CDH13: variants seen among roughly 807,000 people sequenced by gnomAD.
CDH13 encodes the protein cadherin 13, also known as cadherin-13.
A neutral mutation model predicts 63.8 loss-of-function variants in CDH13; 24 were observed. The observed-to-expected ratio is 0.38, with a 90% CI of 0.27 to 0.53. The LOEUF is 0.53. Ranked by LOEUF, CDH13 falls within the 20% of genes least tolerant of loss-of-function variation. The pLI, the probability that CDH13 is intolerant of heterozygous loss-of-function variation, is 0.85. For missense variants in CDH13, 1,049 were observed against 903.1 expected (o/e 1.16, Z -2.07); for synonymous variants, 503 against 355.3 (o/e 1.42, Z -4.67).
chr16:83,651,588 C>CTTTTTTTTTTTTTTTTTTTTT, intron 8 of CDH13, among the ~76,000 whole-genome samples: 1 of 75,306 alleles, frequency 1.3e-5, no homozygotes, highest in Non-Finnish European at 2.4e-5. Context: ...TTATTTTCCT[C>CTTTTTTTTTTTTTTTTTTTTT]TTTTTTTTTT....
intron 7 of CDH13, among the ~76,000 whole-genome samples, chr16:83,538,999 T>C (rs2150644938): frequency 6.6e-6 from 1 of 152,288 alleles, no homozygotes; most frequent in South Asian, 2.1e-4. Flanking sequence ...TTTTCAGAAC[T>C]TTTATTAAAC....
At chr16:83,753,767 G>T (rs1253652283) in intron 11 of CDH13, among the ~76,000 whole-genome samples, 1 of 151,898 alleles carries the variant, frequency 6.6e-6, no homozygotes, top group Non-Finnish European at 1.5e-5. Flanking sequence ...ATGGCTTCGG[G>T]AACTTCCATG....
At chr16:83,057,844 C>G (rs2031106703) in intron 3 of CDH13, among the ~76,000 whole-genome samples, 1 of 152,096 alleles carries the variant, frequency 6.6e-6, no homozygotes, top group African/African-American at 2.4e-5. Flanking sequence ...TTTTATGGTA[C>G]TAAGAAAGAA....
At chr16:83,014,920 A>C (rs1318808546) in intron 2 of CDH13, among the ~76,000 whole-genome samples, 2 of 147,070 alleles carry the variant, frequency 1.4e-5, no homozygotes, top group Non-Finnish European at 3.0e-5. Flanking sequence ...TTACTACTAC[A>C]CAGTTGGTAA....
At chr16:82,933,170 G>C (rs2042554166) in intron 2 of CDH13, among the ~76,000 whole-genome samples, 1 of 152,044 alleles carries the variant, frequency 6.6e-6, no homozygotes, top group African/African-American at 2.4e-5. Context: ...ACTTCAGACT[G>C]GGTCATTTAT....
chr16:83,579,092 C>T (rs1250755130), intron 7 of CDH13, among the ~76,000 whole-genome samples: 2 of 152,194 alleles, frequency 1.3e-5, no homozygotes, highest in Non-Finnish European at 1.5e-5. Flanking sequence ...GTTATAAACA[C>T]AGAGAAAGTT....
chr16:82,796,427 C>T (rs1234936504), intron 1 of CDH13, among the ~76,000 whole-genome samples: 1 of 152,214 alleles, frequency 6.6e-6, no homozygotes, highest in Non-Finnish European at 1.5e-5. Flanking sequence ...CTACCAGATA[C>T]TGAATTCCTG....
rs17686433 is a variant in CDH13 at position 83,486,377 on chromosome 16, G to T, written c.782-100G>T. On this transcript the variant is annotated intron_variant, in intron 6 of 13. Coordinates refer to ENST00000567109, the MANE Select transcript of CDH13 (RefSeq NM_001257.5). ...TTTCTTTTTTAATTTGGAAAGTGATGGGCACACTGCTGCACTGCTATTGCC... is the reference window on the plus strand; with the variant it reads ...TTTCTTTTTTAATTTGGAAAGTGATTGGCACACTGCTGCACTGCTATTGCC... The T allele has an allele frequency of 0.21, 182,954 of 859,446 alleles. 20,569 individuals are homozygous for T. The highest frequency in any genetic ancestry group is 0.3 in the Admixed American group (11,204 of 37,560). 53.2% of individuals were successfully genotyped at this position (859,446 alleles called of 1,614,324 possible). A position where few individuals can be genotyped will look rare whatever the true frequency, so the allele number is the denominator to read the frequency against.
intron 5 of CDH13, among the ~76,000 whole-genome samples, chr16:83,239,659 C>G (rs1188839877): frequency 2.0e-5 from 3 of 152,180 alleles, no homozygotes; most frequent in Non-Finnish European, 1.5e-5. Flanking sequence ...TCTGTCTTTT[C>G]CACTTGTTCT....
intron 3 of CDH13, among the ~76,000 whole-genome samples, chr16:83,125,110 G>C (rs1193990544): frequency 1.3e-5 from 2 of 152,192 alleles, no homozygotes; most frequent in African/African-American, 4.8e-5. Context: ...CAATATGCAA[G>C]CAATGAGGGA....
chr16:83,740,285 A>T (rs1911937815), intron 10 of CDH13, among the ~76,000 whole-genome samples: 1 of 151,890 alleles, frequency 6.6e-6, no homozygotes, highest in African/African-American at 2.4e-5. Context: ...GGTGGGTTTT[A>T]AGCCGGGGAT....
intron 7 of CDH13, among the ~76,000 whole-genome samples, chr16:83,494,601 C>T (rs1354176008): frequency 1.3e-5 from 2 of 152,142 alleles, no homozygotes; most frequent in Non-Finnish European, 2.9e-5. Context: ...CTGTTTTGTA[C>T]TTCCTTTAAT....
intron 3 of CDH13, among the ~76,000 whole-genome samples, chr16:83,107,431 G>GA (rs1284128436): frequency 2.0e-5 from 3 of 152,098 alleles, no homozygotes; most frequent in Admixed American, 6.6e-5. Flanking sequence ...AAATTTTTGA[G>GA]AAAAAAATCC....
chr16:82,889,603 A>G (rs1169782399), intron 2 of CDH13, among the ~76,000 whole-genome samples: 2 of 152,224 alleles, frequency 1.3e-5, no homozygotes, highest in East Asian at 3.8e-4. Context: ...ACAGGATACA[A>G]GCATGCTGGT....
At chr16:83,035,440 C>G (rs1916761585) in intron 3 of CDH13, among the ~76,000 whole-genome samples, 1 of 152,218 alleles carries the variant, frequency 6.6e-6, no homozygotes, top group East Asian at 1.9e-4. Context: ...CAAATGCTGA[C>G]TCACGTAACC....
chr16:83,788,282 C>T (rs1230893467), intron 13 of CDH13, among the ~76,000 whole-genome samples: 2 of 152,134 alleles, frequency 1.3e-5, no homozygotes, highest in Admixed American at 6.5e-5. Flanking sequence ...AGACCAGAGC[C>T]GCTGTGCACC....
intron 1 of CDH13, among the ~76,000 whole-genome samples, chr16:82,684,816 C>T (rs1258245137): frequency 6.6e-6 from 1 of 152,200 alleles, no homozygotes; most frequent in Non-Finnish European, 1.5e-5. Context: ...AGAGCCCATA[C>T]CCAAGTTGTG....
chr16:83,489,557 G>A (rs2073963232), intron 7 of CDH13, among the ~76,000 whole-genome samples: 3 of 152,166 alleles, frequency 2.0e-5, no homozygotes, highest in African/African-American at 7.2e-5. Flanking sequence ...GAGGTGGAAC[G>A]TGATTCCAAG....
intron 3 of CDH13, among the ~76,000 whole-genome samples, chr16:83,104,034 T>A (rs1305217997): frequency 1.3e-5 from 2 of 152,240 alleles, no homozygotes; most frequent in Non-Finnish European, 2.9e-5. Context: ...AAATAGTTGC[T>A]GTATTTGCCA....
Sources: gnomAD v4.1 joint callset for allele counts (sites outside exome capture counted in the v4.1 genomes callset) on GRCh38, gnomAD v4.1.1 for gene constraint, MANE v1.5 for transcripts, NCBI Gene and HGNC (gene_info 2026-07-23, HGNC 2026-07-21) for gene names.